HBG1: variants seen among roughly 807,000 people sequenced by gnomAD.
HBG1 encodes hemoglobin subunit gamma-1.
In HBG1, 1 loss-of-function variant was observed where a neutral mutation model predicts 5.9. That is an observed-to-expected ratio of 0.17 (90% CI 0.06 to 0.81). The LOEUF (loss-of-function observed/expected upper bound fraction) is 0.81. Ranked by LOEUF, HBG1 falls within the 30% of genes least tolerant of loss-of-function variation. The pLI, the probability that HBG1 is intolerant of heterozygous loss-of-function variation, is 0.73. For synonymous variants in HBG1, 19 were observed against 50.5 expected, an observed-to-expected ratio of 0.38 and a Z score of 2.64; for missense variants, 57 against 122.0, an observed-to-expected ratio of 0.47 and a Z score of 2.51.
In HBG1 at chr11:5,248,391, C is replaced by T. The variant is rs757332791; in HGVS notation, c.412G>A (p.Val138Met). The T allele has an allele frequency of 6.2e-7, 1 of 1,614,172 alleles. No individual in the cohort carries two copies. The highest frequency in any genetic ancestry group is 1.1e-5 in the South Asian group (1 of 91,088). ...TATCTGGAGGACAGGGCACTGGCCA[C>T]TGCAGTCACCATCTTCTGCCAGGAA... ...QASWQKMVTA[V>M]ASALSSRYH The change falls in exon 3 of 3, where the codon GTG (valine) becomes ATG (methionine). Residue 138 changes from valine (V) to methionine (M), a missense_variant. Coordinates refer to ENST00000330597, the MANE Select transcript of HBG1 (RefSeq NM_000559.3).
chr11:5,248,768 A>ACACACG (rs1847911647), intron 2 of HBG1, among the ~76,000 whole-genome samples: 1 of 78,450 alleles, frequency 1.3e-5, no homozygotes, highest in South Asian at 4.0e-4. Context: ...ACACACACAC[A>ACACACG]CACGCGCGCG....
At chr11:5,248,768 AC>A (rs1847911631) in intron 2 of HBG1, among the ~76,000 whole-genome samples, 4 of 78,450 alleles carry the variant, frequency 5.1e-5, no homozygotes, top group Non-Finnish European at 1.3e-4. Flanking sequence ...ACACACACAC[AC>A]ACGCGCGCGC....
chr11:5,248,546 T>C lies in HBG1; in HGVS notation c.316-59A>G. On this transcript the variant is annotated intron_variant, in intron 2 of 2. Transcript: ENST00000330597. Reference sequence around the variant, plus strand: ...CCATAGTGAGCTGAGAGCTCCAGCCTGGCCTCCAGATAACTACACACCAAG... The same window carrying C: ...CCATAGTGAGCTGAGAGCTCCAGCCCGGCCTCCAGATAACTACACACCAAG... 2.1e-6 allele frequency: 3 copies of C among 1,429,566 alleles called. No homozygotes were observed. In the South Asian group the frequency reaches 3.5e-5, roughly 17 times the overall value. The allele number at this position is 1,429,566 out of a possible 1,614,324, so 88.6% of individuals were successfully genotyped here.
At chr11:5,249,627 G>A (rs1276656598) in intron 1 of HBG1, 37 bp from the exon 2 acceptor site, 1 of 610,956 alleles carries the variant, frequency 1.6e-6, no homozygotes, top group African/African-American at 4.7e-5. Flanking sequence ...CAGTCAGAAG[G>A]TGCCACAAAT....
chr11:5,248,584 A>T (rs1016414272), intron 2 of HBG1, 97 bp from the exon 3 acceptor site: 2 of 1,236,890 alleles, frequency 1.6e-6, no homozygotes, highest in African/African-American at 3.1e-5. Context: ...TCCACCCAGA[A>T]TCAAGCCTAT....
chr11:5,248,657 C>G (rs113520580), intron 2 of HBG1, among the ~76,000 whole-genome samples, 170 bp from the exon 3 acceptor site: 10,405 of 145,724 alleles, frequency 0.071, 1,467 homozygotes, highest in African/African-American at 0.26. Context: ...TGTTCCCCTT[C>G]AAGCACTAGT....
Position 5,249,140 on chromosome 11 carries a change from A to G in HBG1, c.315+228T>C, listed in dbSNP as rs770362304. 3.9e-4 allele frequency among the ~76,000 whole-genome samples: 52 copies of G among 132,762 alleles called. 11 individuals are homozygous for G. The highest frequency in any genetic ancestry group is 7.5e-3 in the Middle Eastern group (2 of 268). 87.1% of individuals were successfully genotyped at this position (132,762 alleles called of 152,430 possible). ...AAGAAAAGTCATTTTCCTCATTTCC[A>G]CCTCTCTTTTCTCAAAGTCAAAATT... On this transcript the variant is annotated intron_variant, in intron 2 of 2. Transcript: ENST00000330597.
At position 5,248,286 on chromosome 11, in the gene HBG1, G is replaced by A; in HGVS notation, c.*73C>T. The A allele has an allele frequency of 2.5e-6, 4 of 1,582,484 alleles. No homozygotes were observed. The highest frequency in any genetic ancestry group is 3.5e-6 in the Non-Finnish European group (4 of 1,153,568). ...GAAAATCATGTGTGATCTCTCAGCA[G>A]AATAGATTTATTATTTGTATTGCTT... is the stretch of plus-strand genomic sequence containing the variant. On this transcript the variant is annotated 3_prime_UTR_variant, in exon 3 of 3. Transcript: ENST00000330597.
intron 2 of HBG1, among the ~76,000 whole-genome samples, chr11:5,248,802 A>G (rs1420662323): frequency 6.6e-6 from 1 of 150,772 alleles, no homozygotes; most frequent in Non-Finnish European, 1.5e-5. Flanking sequence ...ACACACACAG[A>G]GCTGACTTTC....
In HBG1 at chr11:5,248,464, G is replaced by A. The variant is rs367815690; in HGVS notation, c.339C>T (p.Thr113=). 1.9e-5 allele frequency: 30 copies of A among 1,613,072 alleles called. No homozygotes were observed. The African/African-American group carries it at 2.7e-4, about 14-fold the overall frequency. ...NFKLLGNVLV[T]VLAIHFGKEF... ...CTTTGCCGAAATGGATTGCCAAAAC[G>A]GTCACCAGCACATTTCCCAGGAGCT... Residue 113 remains threonine (T), a synonymous_variant, in exon 3 of 3, where the codon ACC becomes ACT. Coordinates refer to ENST00000330597, the MANE Select transcript of HBG1 (RefSeq NM_000559.3).
rs1564884498 is a variant in HBG1 at position 5,248,752 on chromosome 11, G to GCT, written c.316-267_316-266dup. On this transcript the variant is annotated intron_variant, in intron 2 of 2. Transcript: ENST00000330597. ...GCTGAAGACGTTAAAAGAAACACAC[G>GCT]CTGACACACACACACACACGCGCGC... 5.2e-3 allele frequency among the ~76,000 whole-genome samples: 682 copies of GCT among 130,514 alleles called. 8 individuals carry two copies. Among genetic ancestry groups the GCT allele is most frequent in the African/African-American group, 0.018 (593 of 32,064 alleles). The allele number at this position is 130,514 out of a possible 152,430, so 85.6% of individuals were successfully genotyped here. A position where few individuals can be genotyped will look rare whatever the true frequency, so the allele number is the denominator to read the frequency against.
At position 5,249,259 on chromosome 11, in the gene HBG1, C is replaced by T; in HGVS notation, c.315+109G>A. On this transcript the variant is annotated intron_variant, in intron 2 of 2. Coordinates refer to ENST00000330597, the MANE Select transcript of HBG1 (RefSeq NM_000559.3). ...TCCTCTGCAGTTTCTTCACCCCCAACCCCAGTATCTTCAAACAGCTCACAC... is the reference window on the plus strand; with the variant it reads ...TCCTCTGCAGTTTCTTCACCCCCAATCCCAGTATCTTCAAACAGCTCACAC... 7 of 828,442 alleles carry T rather than the reference C, an allele frequency of 8.4e-6. 2 individuals carry two copies. The highest frequency in any genetic ancestry group is 1.4e-5 in the Non-Finnish European group (7 of 507,630). 51.3% of individuals were successfully genotyped at this position (828,442 alleles called of 1,614,324 possible).
In HBG1 at chr11:5,248,479, T is replaced by A; in HGVS notation, c.324A>T (p.Gly108=). The A allele has an allele frequency of 6.2e-7, 1 of 1,613,100 alleles. No homozygotes were observed. Among genetic ancestry groups the A allele is most frequent in the South Asian group, 1.1e-5 (1 of 91,034 alleles). ...TTGCCAAAACGGTCACCAGCACATT[T>A]CCCAGGAGCTGTTGAGATGAAAGGA... is the stretch of plus-strand genomic sequence containing the variant. The part of the protein sequence containing the change: ...HVDPENFKLL[G]NVLVTVLAIH... Residue 108 remains glycine (G), a synonymous_variant, in exon 3 of 3, where the codon GGA becomes GGT. Transcript: ENST00000330597.
rs1375695366 is a variant in HBG1, at chr11:5,248,977, G to T, written c.315+391C>A. Among the ~76,000 whole-genome samples, 3 of 146,230 alleles carry T rather than the reference G, an allele frequency of 2.1e-5. No homozygotes were observed. The East Asian group carries it at 5.9e-4, about 29-fold the overall frequency. ...TAGCAATGTATGTTTGGCCACCAAA[G>T]TTCCCCACTTTGACTGAGCCAATAT... On this transcript the variant is annotated intron_variant, in intron 2 of 2. Transcript: ENST00000330597.
chr11:5,248,765 C>CAG (rs1847911442), intron 2 of HBG1, among the ~76,000 whole-genome samples: 1 of 78,122 alleles, frequency 1.3e-5, no homozygotes. Context: ...GACACACACA[C>CAG]ACACACGCGC....
rs1389044550 is a variant in HBG1 at position 5,248,388 on chromosome 11, C to T, written c.415G>A (p.Ala139Thr). 1 of 1,614,038 alleles carries T rather than the reference C, an allele frequency of 6.2e-7. No homozygotes were observed. The highest frequency in any genetic ancestry group is 8.5e-7 in the Non-Finnish European group (1 of 1,180,014). Reference protein sequence around the residue: ...ASWQKMVTAVASALSSRYH With the variant: ...ASWQKMVTAVTSALSSRYH ...TGGTATCTGGAGGACAGGGCACTGG[C>T]CACTGCAGTCACCATCTTCTGCCAG... is the stretch of plus-strand genomic sequence containing the variant. The change falls in exon 3 of 3, where the codon GCC (alanine) becomes ACC (threonine). Residue 139 changes from alanine (A) to threonine (T), a missense_variant. Physicochemically the swap from Ala to Thr is moderately conservative, Grantham distance 58. Transcript: ENST00000330597.
intron 2 of HBG1, among the ~76,000 whole-genome samples, 167 bp from the exon 3 acceptor site, chr11:5,248,654 C>T (rs1413774742): frequency 6.7e-6 from 1 of 149,974 alleles, no homozygotes; most frequent in Non-Finnish European, 1.5e-5. Flanking sequence ...AGTTGTTCCC[C>T]TTCAAGCACT....
intron 2 of HBG1, 88 bp downstream of exon 2, chr11:5,249,280 C>T: frequency 7.3e-6 from 6 of 823,518 alleles, no homozygotes; most frequent in Non-Finnish European, 4.0e-6. Flanking sequence ...TCAAACAGCT[C>T]ACACCCTGCT....
chr11:5,248,851 C>T (rs1308374815), intron 2 of HBG1, among the ~76,000 whole-genome samples: 1 of 150,532 alleles, frequency 6.6e-6, no homozygotes, highest in Non-Finnish European at 1.5e-5. Flanking sequence ...TTGTTCCTCA[C>T]CCCTGGACAT....
Sources: allele counts gnomAD v4.1 joint callset (sites outside exome capture counted in the v4.1 genomes callset), GRCh38; gene constraint gnomAD v4.1.1; transcripts MANE v1.5; gene names NCBI Gene and HGNC (gene_info 2026-07-23, HGNC 2026-07-21).